Variants in MSI2 observed in about 807,000 individuals in gnomAD.
The protein encoded by MSI2 is RNA-binding protein Musashi homolog 2.
MSI2 carries 17 observed loss-of-function variants against 45.6 expected under a neutral mutation model. The observed-to-expected ratio is 0.37, with a 90% CI of 0.26 to 0.56. The LOEUF is 0.56. Ranked by LOEUF, MSI2 falls within the 20% of genes least tolerant of loss-of-function variation. The pLI is 0.77. For missense variants in MSI2, 293 were observed against 444.2 expected, an observed-to-expected ratio of 0.66 and a Z score of 3.06; for synonymous variants, 156 against 158.2, an observed-to-expected ratio of 0.99 and a Z score of 0.11.
intron 10 of MSI2, among the ~76,000 whole-genome samples, chr17:57,651,152 G>A: frequency 6.6e-6 from 1 of 152,094 alleles, no homozygotes; most frequent in East Asian, 1.9e-4. Context: ...CCCAGGGTAG[G>A]GAACATGGCA....
At chr17:57,626,923 G>C (rs1247262368) in intron 9 of MSI2, 3 of 471,122 alleles carry the variant, frequency 6.4e-6, no homozygotes, top group African/African-American at 1.9e-5. Context: ...CCAAATGTCA[G>C]AGCCAGGCGC....
intron 6 of MSI2, among the ~76,000 whole-genome samples, chr17:57,423,217 GA>G (rs1249729106): frequency 1.3e-5 from 2 of 152,196 alleles, no homozygotes; most frequent in Non-Finnish European, 2.9e-5. Context: ...AAATTTCCCA[GA>G]AATGGCTAAA....
chr17:57,389,594 A>G (rs1349890400), intron 5 of MSI2, among the ~76,000 whole-genome samples: 1 of 152,218 alleles, frequency 6.6e-6, no homozygotes, highest in Non-Finnish European at 1.5e-5. Context: ...ATGAGGTCTC[A>G]TGCAGTGCTT....
chr17:57,295,271 G>T (rs986111015), intron 5 of MSI2, among the ~76,000 whole-genome samples: 1 of 152,162 alleles, frequency 6.6e-6, no homozygotes, highest in Non-Finnish European at 1.5e-5. Flanking sequence ...TGGCCCTGCC[G>T]CCCTGCTTGC....
chr17:57,622,170 C>T (rs1223121967), intron 9 of MSI2, among the ~76,000 whole-genome samples: 1 of 152,254 alleles, frequency 6.6e-6, no homozygotes, highest in Admixed American at 6.5e-5. Flanking sequence ...GCACTCCAGC[C>T]TGGGTGACAG....
chr17:57,519,116 T>G (rs2086531198), intron 6 of MSI2, among the ~76,000 whole-genome samples: 1 of 152,086 alleles, frequency 6.6e-6, no homozygotes, highest in African/African-American at 2.4e-5. Context: ...CTTCCCTGGC[T>G]TAGTCTTGAG....
intron 5 of MSI2, among the ~76,000 whole-genome samples, chr17:57,263,152 G>A (rs1269603481): frequency 1.3e-5 from 2 of 152,124 alleles, no homozygotes; most frequent in South Asian, 4.1e-4. Flanking sequence ...ATCGTGTAAA[G>A]AGAGGAATGG....
chr17:57,456,272 T>C lies in MSI2; in HGVS notation c.405+54801T>C, dbSNP rs555373739. Among the ~76,000 whole-genome samples the C allele has an allele frequency of 3.9e-5, 6 of 152,326 alleles. No individual in the cohort carries two copies. In the South Asian group the frequency reaches 1.2e-3, roughly 32 times the overall value. On this transcript the variant is annotated intron_variant, in intron 6 of 13. Coordinates refer to ENST00000284073, the MANE Select transcript of MSI2 (RefSeq NM_138962.4). ...TGAGTCCAGGGCACTTGTATGTCTGTACCTTCTCTTAGCCTCATAACATCT... is the reference window on the plus strand; with the variant it reads ...TGAGTCCAGGGCACTTGTATGTCTGCACCTTCTCTTAGCCTCATAACATCT...
At chr17:57,508,082 G>A (rs1419615010) in intron 6 of MSI2, among the ~76,000 whole-genome samples, 2 of 152,194 alleles carry the variant, frequency 1.3e-5, no homozygotes, top group African/African-American at 4.8e-5. Context: ...AGCAGGCATT[G>A]CCCTTTTAAA....
intron 4 of MSI2, 60 bp downstream of exon 4, chr17:57,258,414 GC>G (rs945881334): frequency 7.3e-7 from 1 of 1,378,134 alleles, no homozygotes; most frequent in Non-Finnish European, 1.0e-6. Flanking sequence ...GGCATTGACA[GC>G]CCCATTTAAA....
At chr17:57,476,223 A>G (rs2085534720) in intron 6 of MSI2, among the ~76,000 whole-genome samples, 1 of 152,140 alleles carries the variant, frequency 6.6e-6, no homozygotes, top group Non-Finnish European at 1.5e-5. Context: ...ATAGCCTTGT[A>G]TATTTCCTGG....
At chr17:57,294,802 T>G (rs1275462936) in intron 5 of MSI2, 1 of 152,354 alleles carries the variant, frequency 6.6e-6, no homozygotes, top group South Asian at 2.1e-4. Context: ...AATTAGCATT[T>G]AGTAATGTGG....
At chr17:57,386,126 T>C (rs2083682391) in intron 5 of MSI2, among the ~76,000 whole-genome samples, 2 of 152,180 alleles carry the variant, frequency 1.3e-5, no homozygotes, top group Non-Finnish European at 2.9e-5. Context: ...TTTTTAGATA[T>C]AAAGATACCC....
At chr17:57,677,486 C>T (rs895843301) in intron 13 of MSI2, among the ~76,000 whole-genome samples, 1 of 152,232 alleles carries the variant, frequency 6.6e-6, no homozygotes, top group Non-Finnish European at 1.5e-5. Flanking sequence ...GCCACCCACT[C>T]CTGGAGGTCC....
intron 6 of MSI2, among the ~76,000 whole-genome samples, chr17:57,521,660 A>G (rs1373530345): frequency 6.6e-6 from 1 of 152,134 alleles, no homozygotes; most frequent in Non-Finnish European, 1.5e-5. Context: ...CTGTCTACAC[A>G]CACATATGCT....
chr17:57,509,275 A>G (rs2086300376), intron 6 of MSI2, among the ~76,000 whole-genome samples: 1 of 152,128 alleles, frequency 6.6e-6, no homozygotes, highest in Admixed American at 6.5e-5. Flanking sequence ...TTTCTCTTAA[A>G]TATTTTTTCT....
intron 10 of MSI2, among the ~76,000 whole-genome samples, chr17:57,644,223 T>TG (rs899266715): frequency 6.6e-6 from 1 of 151,746 alleles, no homozygotes; most frequent in African/African-American, 2.4e-5. Context: ...TGTTTTTTTT[T>TG]TTTTTTTTTT....
intron 6 of MSI2, among the ~76,000 whole-genome samples, chr17:57,516,794 T>C (rs2086478737): frequency 6.6e-6 from 1 of 152,204 alleles, no homozygotes; most frequent in African/African-American, 2.4e-5. Flanking sequence ...CCCAAGATCA[T>C]GCGTAAGTGG....
At chr17:57,509,965 C>T (rs2086316302) in intron 6 of MSI2, among the ~76,000 whole-genome samples, 1 of 152,016 alleles carries the variant, frequency 6.6e-6, no homozygotes, top group South Asian at 2.1e-4. Context: ...CTGCATTTGC[C>T]CATTGGTTTA....
Sources: allele counts gnomAD v4.1 joint callset (sites outside exome capture counted in the v4.1 genomes callset), GRCh38; gene constraint gnomAD v4.1.1; transcripts MANE v1.5; gene names NCBI Gene and HGNC (gene_info 2026-07-23, HGNC 2026-07-21).